The following ZDHHC17 variants were observed in gnomAD, a reference collection of about 807,000 sequenced individuals.
ZDHHC17 encodes the protein palmitoyltransferase ZDHHC17.
Under a neutral mutation model 90.3 loss-of-function variants are expected in ZDHHC17, and 40 were observed. The ratio of observed to expected loss-of-function variants is 0.44; its 90% CI spans 0.34 to 0.58. ZDHHC17 has a LOEUF of 0.58. Among genes scored for constraint, ZDHHC17 ranks in the 20% least tolerant of loss-of-function variants. The probability of loss-of-function intolerance (pLI) is 0.01; values close to 1 mark genes in which losing one functional copy is unlikely to be tolerated. For synonymous variants in ZDHHC17, 235 were observed against 252.4 expected (o/e 0.93, Z 0.65); for missense variants, 614 against 780.8 (o/e 0.79, Z 2.55).
chr12:76,849,338 A>G, intron 15 of ZDHHC17, 38 bp from the exon 16 acceptor site: 1 of 1,135,450 alleles, frequency 8.8e-7, no homozygotes, highest in South Asian at 1.5e-5. Context: ...AAAAAAAAAA[A>G]AAACAAGAAT....
intron 7 of ZDHHC17, chr12:76,821,063 C>T: frequency 7.8e-7 from 1 of 1,289,344 alleles, no homozygotes; most frequent in South Asian, 1.2e-5. Flanking sequence ...TCTAGGCAAT[C>T]CTTAGGTGTC....
Position 76,764,157 on chromosome 12 carries a change from C to T in ZDHHC17, c.-80C>T, listed in dbSNP as rs1380024530. The T allele has an allele frequency of 1.6e-5, 18 of 1,155,198 alleles. No individual in the cohort carries two copies. The highest frequency in any genetic ancestry group is 2.2e-5 in the Non-Finnish European group (18 of 833,318). The allele number at this position is 1,155,198 out of a possible 1,614,324, so 71.6% of individuals were successfully genotyped here. On this transcript the variant is annotated 5_prime_UTR_variant, in exon 1 of 17. Transcript: ENST00000426126. ...AGAAGGAGGAGGAGGCCCGCGTCGC[C>T]TCCGGCGGGGCTCGCGCTCGCCCCG...
chr12:76,815,833 G>GTTTTTTTTTTT, intron 6 of ZDHHC17, 24 bp from the exon 7 acceptor site: 2 of 1,141,506 alleles, frequency 1.8e-6, no homozygotes, highest in South Asian at 1.9e-5. Flanking sequence ...GTTGTTGTTT[G>GTTTTTTTTTTT]TTTTTTTTTT....
chr12:76,782,215 T>TGGG (rs750077232), intron 1 of ZDHHC17, among the ~76,000 whole-genome samples: 1 of 152,168 alleles, frequency 6.6e-6, no homozygotes, highest in Admixed American at 6.5e-5. Flanking sequence ...TCTGAGAGAT[T>TGGG]GGGGGACTTT....
chr12:76,768,278 C>T (rs1236784192), intron 1 of ZDHHC17, among the ~76,000 whole-genome samples: 1 of 152,196 alleles, frequency 6.6e-6, no homozygotes, highest in African/African-American at 2.4e-5. Context: ...CTAGTTCTAG[C>T]TCAGTGACCT....
chr12:76,850,990 A>G lies in ZDHHC17; in HGVS notation c.*5A>G. 1 of 1,613,824 alleles carries G rather than the reference A, an allele frequency of 6.2e-7. No homozygotes were observed. Among genetic ancestry groups the G allele is most frequent in the South Asian group, 1.1e-5 (1 of 91,046 alleles). On this transcript the variant is annotated 3_prime_UTR_variant, in exon 17 of 17. Coordinates refer to ENST00000426126, the MANE Select transcript of ZDHHC17 (RefSeq NM_015336.4). Reference sequence around the variant, plus strand: ...TCTGGGTACCAGCTGGTGTAGCGACATCTTATCCTATGAAGCATATTGCTG... The same window carrying G: ...TCTGGGTACCAGCTGGTGTAGCGACGTCTTATCCTATGAAGCATATTGCTG...
At chr12:76,833,974 G>A (rs942714102) in intron 10 of ZDHHC17, among the ~76,000 whole-genome samples, 1 of 152,008 alleles carries the variant, frequency 6.6e-6, no homozygotes, top group Admixed American at 6.6e-5. Flanking sequence ...TATCAGTTAC[G>A]CTACCTATGG....
intron 9 of ZDHHC17, 30 bp from the exon 10 acceptor site, chr12:76,828,360 C>G: frequency 6.6e-7 from 1 of 1,507,860 alleles, no homozygotes; most frequent in African/African-American, 1.4e-5. Flanking sequence ...AAATATAGAG[C>G]TCATATTTTA....
chr12:76,817,997 T>C (rs1490608457), intron 7 of ZDHHC17, among the ~76,000 whole-genome samples: 1 of 152,160 alleles, frequency 6.6e-6, no homozygotes, highest in Non-Finnish European at 1.5e-5. Flanking sequence ...GCTTTTAAAT[T>C]CATTTTTTTC....
intron 10 of ZDHHC17, among the ~76,000 whole-genome samples, chr12:76,835,174 C>T (rs1007259527): frequency 6.6e-6 from 1 of 151,874 alleles, no homozygotes; most frequent in Non-Finnish European, 1.5e-5. Context: ...CTTCAGCCTC[C>T]TAAGTAGTTG....
chr12:76,801,448 T>C (rs111563017), intron 2 of ZDHHC17, among the ~76,000 whole-genome samples: 233 of 151,614 alleles, frequency 1.5e-3, no homozygotes, highest in African/African-American at 5.3e-3. Context: ...GGTCAGGAGA[T>C]CGAGACCATC....
intron 1 of ZDHHC17, among the ~76,000 whole-genome samples, chr12:76,790,854 G>A (rs1952751666): frequency 6.6e-6 from 1 of 152,162 alleles, no homozygotes; most frequent in South Asian, 2.1e-4. Context: ...GGTTGGTTAA[G>A]GGATATAAAA....
rs996563290 is a variant in ZDHHC17, at chr12:76,787,890, A to T, written c.94-9544A>T. Among the ~76,000 whole-genome samples the T allele has an allele frequency of 1.4e-4, 21 of 152,304 alleles. 1 individual carries two copies. In the South Asian group the frequency reaches 1.5e-3, roughly 11 times the overall value. The stretch of plus-strand genomic sequence containing the variant: ...AGAATCATATTAGTCCGGATAAGCT[A>T]TGTTTTGCTGCAGTAACAACCCTAA... On this transcript the variant is annotated intron_variant, in intron 1 of 16. Coordinates refer to ENST00000426126, the MANE Select transcript of ZDHHC17 (RefSeq NM_015336.4).
chr12:76,826,230 T>A (rs1481853559), intron 8 of ZDHHC17, among the ~76,000 whole-genome samples: 1 of 152,174 alleles, frequency 6.6e-6, no homozygotes, highest in Non-Finnish European at 1.5e-5. Flanking sequence ...TTTCTTTGGT[T>A]GCTATAAAGA....
chr12:76,802,215 A>T (rs1394006395), intron 2 of ZDHHC17, among the ~76,000 whole-genome samples: 2 of 152,144 alleles, frequency 1.3e-5, no homozygotes, highest in Non-Finnish European at 2.9e-5. Context: ...AATTTTGCTG[A>T]ATATAGGATT....
intron 1 of ZDHHC17, among the ~76,000 whole-genome samples, chr12:76,789,995 G>C (rs1387055919): frequency 1.3e-5 from 2 of 152,120 alleles, no homozygotes; most frequent in African/African-American, 4.8e-5. Flanking sequence ...TCTGCACAAA[G>C]TATGGGCTTA....
chr12:76,778,250 C>T (rs1270003817), intron 1 of ZDHHC17, among the ~76,000 whole-genome samples: 1 of 152,088 alleles, frequency 6.6e-6, no homozygotes, highest in East Asian at 1.9e-4. Flanking sequence ...CGCTCCCACC[C>T]AGGGTCGAGT....
chr12:76,820,111 T>TC (rs2137775952), intron 7 of ZDHHC17, among the ~76,000 whole-genome samples: 1 of 150,530 alleles, frequency 6.6e-6, no homozygotes, highest in East Asian at 1.9e-4. Context: ...TTATCTGGAG[T>TC]CCCCCCAGTA....
intron 5 of ZDHHC17, 111 bp downstream of exon 5, chr12:76,809,968 T>G: frequency 8.8e-7 from 1 of 1,138,846 alleles, no homozygotes. Flanking sequence ...CACTTTCTGA[T>G]GGGTGAAGAA....
Sources: allele counts gnomAD v4.1 joint callset (sites outside exome capture counted in the v4.1 genomes callset), GRCh38; gene constraint gnomAD v4.1.1; transcripts MANE v1.5; gene names NCBI Gene and HGNC (gene_info 2026-07-23, HGNC 2026-07-21).